Variants in SH3RF1 observed in about 807,000 individuals in gnomAD.
The protein encoded by SH3RF1 is SH3 domain containing ring finger 1, also known as E3 ubiquitin-protein ligase SH3RF1.
In SH3RF1, 32 loss-of-function variants were observed where a neutral mutation model predicts 74.0. The ratio of observed to expected loss-of-function variants is 0.43; its 90% CI spans 0.33 to 0.58. The LOEUF is 0.58. Ranked by LOEUF, SH3RF1 falls within the 20% of genes least tolerant of loss-of-function variation. The pLI, the probability that SH3RF1 is intolerant of heterozygous loss-of-function variation, is 0.05. For missense variants in SH3RF1, 954 were observed against 1,130.9 expected, an observed-to-expected ratio of 0.84 and a Z score of 2.24; for synonymous variants, 396 against 439.6, an observed-to-expected ratio of 0.90 and a Z score of 1.24.
intron 2 of SH3RF1, among the ~76,000 whole-genome samples, chr4:169,257,209 G>C (rs560109249): frequency 1.3e-5 from 2 of 152,234 alleles, no homozygotes; most frequent in South Asian, 4.1e-4. Context: ...AGGAATCACA[G>C]AGCACACAAA....
chr4:169,172,454 T>G (rs1554007021), intron 2 of SH3RF1, among the ~76,000 whole-genome samples: 2 of 152,276 alleles, frequency 1.3e-5, no homozygotes, highest in Non-Finnish European at 2.9e-5. Context: ...TATCAGCATT[T>G]AAATGTCATT....
chr4:169,116,215 A>G (rs1733328578), intron 10 of SH3RF1, 54 bp downstream of exon 10: 2 of 1,538,778 alleles, frequency 1.3e-6, no homozygotes, highest in South Asian at 1.3e-5. Flanking sequence ...CAACATAAGA[A>G]GAAAAACAGG....
At chr4:169,136,750 G>GT in intron 4 of SH3RF1, 130 bp from the exon 5 acceptor site, 1 of 824,432 alleles carries the variant, frequency 1.2e-6, no homozygotes, top group Non-Finnish European at 1.7e-6. Flanking sequence ...TGCAGTGTCT[G>GT]TTTTTCCCAT....
chr4:169,262,018 A>G lies in SH3RF1; in HGVS notation c.393+6802T>C, dbSNP rs538635954. Among the ~76,000 whole-genome samples, 112 of 152,322 alleles carry G rather than the reference A, an allele frequency of 7.4e-4. 1 individual carries two copies. The South Asian group carries it at 0.017, about 23-fold the overall frequency. On this transcript the variant is annotated intron_variant, in intron 2 of 11. Transcript: ENST00000284637. ...ATTCTATGAGTAAAAATACTATGAG[A>G]AAAATACTATGAAAAATTAAATGAA...
chr4:169,162,180 G>C (rs1235657346), intron 2 of SH3RF1, among the ~76,000 whole-genome samples: 2 of 152,078 alleles, frequency 1.3e-5, no homozygotes, highest in East Asian at 3.8e-4. Context: ...AAAAAAAATA[G>C]AATGTCTTTT....
At chr4:169,114,758 T>TTG (rs1733303589) in intron 10 of SH3RF1, among the ~76,000 whole-genome samples, 1 of 152,226 alleles carries the variant, frequency 6.6e-6, no homozygotes, top group Non-Finnish European at 1.5e-5. Context: ...ATATCAATCT[T>TTG]TTTCAAAAAC....
intron 2 of SH3RF1, among the ~76,000 whole-genome samples, chr4:169,254,611 A>C (rs1731155772): frequency 6.6e-6 from 1 of 152,198 alleles, no homozygotes; most frequent in African/African-American, 2.4e-5. Context: ...GAATTTATCT[A>C]AGGAAAAGAG....
chr4:169,128,881 C>T (rs1733566935), intron 6 of SH3RF1, among the ~76,000 whole-genome samples: 1 of 152,140 alleles, frequency 6.6e-6, no homozygotes, highest in African/African-American at 2.4e-5. Flanking sequence ...TAAACCAGGC[C>T]CAACTTGCAA....
At position 169,212,057 on chromosome 4, in the gene SH3RF1, C is replaced by CTTTTTTTTTTTTTTTTTTTTTTTT. The variant is rs34108534; in HGVS notation, c.394-55402_394-55379dup. On this transcript the variant is annotated intron_variant, in intron 2 of 11. Transcript: ENST00000284637. ...TTCTAATTTTTTTTTCTTTTCTTTT[C>CTTTTTTTTTTTTTTTTTTTTTTTT]TTTTTTTTTTTTTTTTTTTTTTTTG... 1.7e-4 allele frequency among the ~76,000 whole-genome samples: 8 copies of CTTTTTTTTTTTTTTTTTTTTTTTT among 48,264 alleles called. 1 individual carries two copies. The highest frequency in any genetic ancestry group is 4.6e-4 in the African/African-American group (5 of 10,868). The allele number at this position is 48,264 out of a possible 152,430, so 31.7% of individuals were successfully genotyped here.
chr4:169,164,401 C>T (rs1196420490), intron 2 of SH3RF1, among the ~76,000 whole-genome samples: 5 of 152,180 alleles, frequency 3.3e-5, no homozygotes, highest in Non-Finnish European at 7.3e-5. Context: ...CAGTTTTACA[C>T]AAATTGCAAA....
intron 2 of SH3RF1, among the ~76,000 whole-genome samples, chr4:169,202,939 C>T (rs1734935158): frequency 6.6e-6 from 1 of 152,108 alleles, no homozygotes; most frequent in South Asian, 2.1e-4. Flanking sequence ...AGGAAGAAGA[C>T]ATAGCATTCT....
rs1272961196 is a variant in SH3RF1, at chr4:169,250,409, T to C, written c.393+18411A>G. Among the ~76,000 whole-genome samples the C allele has an allele frequency of 2.0e-5, 3 of 152,190 alleles. 1 individual carries two copies. The highest frequency in any genetic ancestry group is 4.4e-5 in the Non-Finnish European group (3 of 68,034). ...TACAAAGTGAATTGCCAAATAAGCATATATGACACTTTAATTTACTCATCT... is the reference window on the plus strand; with the variant it reads ...TACAAAGTGAATTGCCAAATAAGCACATATGACACTTTAATTTACTCATCT... On this transcript the variant is annotated intron_variant, in intron 2 of 11. Transcript: ENST00000284637.
At chr4:169,171,818 C>A (rs1734331768) in intron 2 of SH3RF1, among the ~76,000 whole-genome samples, 1 of 152,016 alleles carries the variant, frequency 6.6e-6, no homozygotes, top group African/African-American at 2.4e-5. Context: ...GTGGATGGCT[C>A]AATATGATCT....
At chr4:169,108,294 T>C (rs1579085643) in intron 10 of SH3RF1, among the ~76,000 whole-genome samples, 2 of 152,224 alleles carry the variant, frequency 1.3e-5, no homozygotes, top group African/African-American at 4.8e-5. Flanking sequence ...ACAGAAATTA[T>C]AAGGGACCTG....
chr4:169,201,225 A>G (rs1734901799), intron 2 of SH3RF1, among the ~76,000 whole-genome samples: 1 of 152,206 alleles, frequency 6.6e-6, no homozygotes, highest in Admixed American at 6.6e-5. Flanking sequence ...TTTCTATCAG[A>G]AAAACACCAC....
At chr4:169,267,873 A>G (rs937347227) in intron 2 of SH3RF1, among the ~76,000 whole-genome samples, 1 of 152,182 alleles carries the variant, frequency 6.6e-6, no homozygotes, top group Non-Finnish European at 1.5e-5. Flanking sequence ...TTGTTCTTTA[A>G]AAGCAGATTT....
Position 169,155,524 on chromosome 4 carries a change from T to G in SH3RF1, c.721A>C (p.Met241Leu). 6.2e-7 allele frequency: 1 copy of G among 1,613,754 alleles called. No homozygotes were observed. The highest frequency in any genetic ancestry group is 1.1e-5 in the South Asian group (1 of 91,068). The change falls in exon 4 of 12, where the codon ATG (methionine) becomes CTG (leucine). Residue 241 changes from methionine (M) to leucine (L), a missense_variant. Met to Leu is a conservative substitution (Grantham distance 15). This residue lies in a region of SH3RF1 where 854 missense variants were observed against 962.5 expected (regional missense o/e 0.89). Transcript: ENST00000284637. ...AATATTCCTATTTTGTCTGCCAGCA[T>G]TCCTTCAGCCCAGTTTTCATCCACT... ...RRVDENWAEG[M>L]LADKIGIFPI...
chr4:169,239,517 A>C (rs1038852343), intron 2 of SH3RF1, among the ~76,000 whole-genome samples: 1 of 152,162 alleles, frequency 6.6e-6, no homozygotes, highest in Non-Finnish European at 1.5e-5. Flanking sequence ...TAACTGTTCA[A>C]AGTTAACTTT....
At chr4:169,112,157 T>C (rs1199321841) in intron 10 of SH3RF1, among the ~76,000 whole-genome samples, 1 of 152,196 alleles carries the variant, frequency 6.6e-6, no homozygotes, top group Admixed American at 6.5e-5. Flanking sequence ...TGGATGATGA[T>C]GCTCACAAAA....
Sources: allele counts gnomAD v4.1 joint callset (sites outside exome capture counted in the v4.1 genomes callset), GRCh38; gene constraint gnomAD v4.1.1; regional missense constraint gnomAD v4.1.1; transcripts MANE v1.5; gene names NCBI Gene and HGNC (gene_info 2026-07-23, HGNC 2026-07-21).